The following CNOT4 variants were observed in gnomAD, a reference collection of about 807,000 sequenced individuals.
CNOT4 encodes CCR4-associated factor 4.
CNOT4 carries 8 observed loss-of-function variants against 73.8 expected under a neutral mutation model. The ratio of observed to expected loss-of-function variants is 0.11; its 90% confidence interval spans 0.06 to 0.20. The LOEUF is 0.20. Among genes scored for constraint, CNOT4 ranks in the 10% least tolerant of loss-of-function variants. CNOT4 has a pLI of 1.00. For missense variants in CNOT4, 564 were observed against 883.4 expected (o/e 0.64, Z 4.58); for synonymous variants, 293 against 321.1 (o/e 0.91, Z 0.94).
Position 135,363,788 on chromosome 7 carries a change from T to C in CNOT4, c.1840+66A>G. On this transcript the variant is annotated intron_variant, in intron 11 of 11. Coordinates refer to ENST00000541284, the MANE Select transcript of CNOT4 (RefSeq NM_001190850.2). This position sits in a 1 kb window ranked among gnomAD's most constrained non-coding sequence, Gnocchi z 4.3. ...CTTATGTTGAAGAGATCTCGGTTTT[T>C]ATTTAATCTGTGCTAAAAACCAAAC... The C allele has an allele frequency of 7.7e-7, 1 of 1,305,310 alleles. No homozygotes were observed. The highest frequency in any genetic ancestry group is 1.1e-6 in the Non-Finnish European group (1 of 947,454). 80.9% of individuals were successfully genotyped at this position (1,305,310 alleles called of 1,614,324 possible). A position where few individuals can be genotyped will look rare whatever the true frequency, so the allele number is the denominator to read the frequency against.
chr7:135,472,260 G>C (rs1306407363), intron 1 of CNOT4, among the ~76,000 whole-genome samples: 3 of 149,996 alleles, frequency 2.0e-5, no homozygotes, highest in Non-Finnish European at 4.4e-5. Flanking sequence ...GGCAGATCAT[G>C]AGGTCAGGAG....
At chr7:135,469,018 G>T (rs1221350475) in intron 1 of CNOT4, among the ~76,000 whole-genome samples, 1 of 152,120 alleles carries the variant, frequency 6.6e-6, no homozygotes, top group Non-Finnish European at 1.5e-5. Flanking sequence ...AAAGAAATCA[G>T]GGGTGTAATG....
chr7:135,494,141 G>A, intron 1 of CNOT4, among the ~76,000 whole-genome samples: 1 of 150,870 alleles, frequency 6.6e-6, no homozygotes. Flanking sequence ...GTCCTATATA[G>A]TGTCCATCAA....
Position 135,501,503 on chromosome 7 carries a change from C to T in CNOT4, c.-93+8386G>A, listed in dbSNP as rs113919303. ...AAATCCTGTAGAATTTCCATCCTAA[C>T]GTCTCTCAGAATAGCTCCTTACCTC... is the stretch of plus-strand genomic sequence containing the variant. On this transcript the variant is annotated intron_variant, in intron 1 of 11. Coordinates refer to ENST00000541284, the MANE Select transcript of CNOT4 (RefSeq NM_001190850.2). 2.6e-5 allele frequency among the ~76,000 whole-genome samples: 4 copies of T among 152,276 alleles called. 1 individual carries two copies. The highest frequency in any genetic ancestry group is 9.6e-5 in the African/African-American group (4 of 41,544).
intron 2 of CNOT4, among the ~76,000 whole-genome samples, chr7:135,424,642 A>G (rs1280281914): frequency 6.6e-6 from 1 of 152,070 alleles, no homozygotes; most frequent in Non-Finnish European, 1.5e-5. Context: ...TTTAAAAACT[A>G]GCCGGGTGTG....
At chr7:135,506,957 A>G (rs17403220) in intron 1 of CNOT4, among the ~76,000 whole-genome samples, 11,266 of 152,278 alleles carry the variant, frequency 0.074, 498 homozygotes, top group Middle Eastern at 0.12. Context: ...ATTCCTTTTA[A>G]AGCCAAGATT....
chr7:135,435,411 C>G (rs538802871), intron 2 of CNOT4, among the ~76,000 whole-genome samples: 73 of 152,160 alleles, frequency 4.8e-4, no homozygotes, highest in Non-Finnish European at 8.5e-4. Flanking sequence ...AATAAAAACC[C>G]ACTCAGCACA....
At chr7:135,488,270 T>C (rs1354881009) in intron 1 of CNOT4, among the ~76,000 whole-genome samples, 1 of 152,232 alleles carries the variant, frequency 6.6e-6, no homozygotes, top group South Asian at 2.1e-4. Context: ...CAAGCGATTC[T>C]CTTGCCTCAG....
intron 6 of CNOT4, among the ~76,000 whole-genome samples, chr7:135,413,089 C>T (rs1445734849): frequency 1.3e-5 from 2 of 151,958 alleles, no homozygotes; most frequent in Non-Finnish European, 2.9e-5. Flanking sequence ...ATTGGTTTAA[C>T]AAATAATTAC....
Position 135,414,432 on chromosome 7 carries a change from C to G in CNOT4, c.460G>C (p.Gly154Arg). 7.2e-7 allele frequency: 1 copy of G among 1,398,008 alleles called. No individual in the cohort carries two copies. The highest frequency in any genetic ancestry group is 1.0e-6 in the Non-Finnish European group (1 of 990,160). 86.6% of individuals were successfully genotyped at this position (1,398,008 alleles called of 1,614,324 possible). Residue 154 changes from glycine to arginine, a missense_variant and splice_region_variant, in exon 5 of 12, where the codon GGT (glycine) becomes CGT (arginine). Transcript: ENST00000541284. ...NNSTSYAGSQ[G>R]PSASAYVTYI... ...GTTACATAAGCACTGGCACTTGGAC[C>G]CTAAAGTGAAAACATCCCATTCCAC...
chr7:135,437,791 T>C (rs2129485306), intron 2 of CNOT4, among the ~76,000 whole-genome samples: 1 of 152,312 alleles, frequency 6.6e-6, no homozygotes. Flanking sequence ...CCACATGTAA[T>C]ATAAAATGTT....
chr7:135,434,238 G>A (rs1799021257), intron 2 of CNOT4, among the ~76,000 whole-genome samples: 1 of 152,204 alleles, frequency 6.6e-6, no homozygotes, highest in South Asian at 2.1e-4. Context: ...AACCACTGTA[G>A]ATGGCCTCCA....
rs111425366 is a variant in CNOT4 at position 135,454,077 on chromosome 7, T to C, written c.-92-15654A>G. 2.7e-5 allele frequency among the ~76,000 whole-genome samples: 4 copies of C among 150,190 alleles called. 1 individual carries two copies. The highest frequency in any genetic ancestry group is 9.8e-5 in the African/African-American group (4 of 40,938). On this transcript the variant is annotated intron_variant, in intron 1 of 11. Coordinates refer to ENST00000541284, the MANE Select transcript of CNOT4 (RefSeq NM_001190850.2). The stretch of plus-strand genomic sequence containing the variant: ...CTAAATAATAAATACTTTTAAGGGG[T>C]CTAAAATACAGAAATATAGCTATTA...
At chr7:135,442,159 G>A (rs1274180914) in intron 1 of CNOT4, among the ~76,000 whole-genome samples, 1 of 152,168 alleles carries the variant, frequency 6.6e-6, no homozygotes, top group African/African-American at 2.4e-5. Flanking sequence ...TTCAAGTACA[G>A]AGCAATTTCC....
intron 1 of CNOT4, among the ~76,000 whole-genome samples, chr7:135,471,743 TTATTCCATAAGTGTCTTACGTTA>T (rs1801591506): frequency 6.6e-6 from 1 of 152,256 alleles, no homozygotes; most frequent in Non-Finnish European, 1.5e-5. Flanking sequence ...ATGACTTGTA[TTATTCCATAAGTGTCTTACGTTA>T]TACACGTAAA....
intron 1 of CNOT4, among the ~76,000 whole-genome samples, chr7:135,454,774 C>T (rs953999011): frequency 1.3e-5 from 2 of 151,998 alleles, no homozygotes; most frequent in African/African-American, 2.4e-5. Flanking sequence ...TGCCTGTAGT[C>T]CCAGGGGGCT....
At chr7:135,430,540 T>C (rs749940779) in intron 2 of CNOT4, among the ~76,000 whole-genome samples, 4 of 152,006 alleles carry the variant, frequency 2.6e-5, no homozygotes, top group Non-Finnish European at 4.4e-5. Context: ...AGCTACTTGG[T>C]AGGCTGAAGC....
chr7:135,446,651 C>T (rs1799850327), intron 1 of CNOT4, among the ~76,000 whole-genome samples: 1 of 151,838 alleles, frequency 6.6e-6, no homozygotes, highest in Non-Finnish European at 1.5e-5. Flanking sequence ...ATATACTATA[C>T]AACCAAAGTT....
intron 2 of CNOT4, 62 bp downstream of exon 2, chr7:135,438,095 AC>A: frequency 2.3e-6 from 2 of 856,446 alleles, no homozygotes; most frequent in South Asian, 3.1e-5. Context: ...TTGCTCATAT[AC>A]ATGGCAGCAA....
Sources: allele counts gnomAD v4.1 joint callset (sites outside exome capture counted in the v4.1 genomes callset), GRCh38; gene constraint gnomAD v4.1.1; non-coding constraint Gnocchi (gnomAD v3.1); transcripts MANE v1.5; gene names NCBI Gene and HGNC (gene_info 2026-07-23, HGNC 2026-07-21).